The following ARPP21 variants were observed in gnomAD, a reference collection of about 807,000 sequenced individuals.
ARPP21 encodes the protein cAMP-regulated phosphoprotein 21.
A neutral mutation model predicts 113.2 loss-of-function variants in ARPP21; 69 were observed. That is an observed-to-expected ratio of 0.61 (90% CI 0.50 to 0.74). The LOEUF is 0.74. Ranked by LOEUF, ARPP21 falls within the 30% of genes least tolerant of loss-of-function variation. The pLI, the probability that ARPP21 is intolerant of heterozygous loss-of-function variation, is 0.00. For missense variants in ARPP21, 1,070 were observed against 1,037.4 expected, an observed-to-expected ratio of 1.03 and a Z score of -0.43; for synonymous variants, 368 against 375.5, an observed-to-expected ratio of 0.98 and a Z score of 0.23.
chr3:35,772,091 T>C (rs890116498), intron 19 of ARPP21, among the ~76,000 whole-genome samples: 1 of 152,170 alleles, frequency 6.6e-6, no homozygotes, highest in Non-Finnish European at 1.5e-5. Context: ...GCCATTAAAA[T>C]ACTAAATTTG....
At chr3:35,708,763 A>C (rs780839150) in intron 10 of ARPP21, among the ~76,000 whole-genome samples, 34 of 152,334 alleles carry the variant, frequency 2.2e-4, no homozygotes, top group Middle Eastern at 6.8e-3. Context: ...ACCAACCAGC[A>C]GCAGTAAACA....
chr3:35,719,805 A>G (rs1199991062), intron 13 of ARPP21, among the ~76,000 whole-genome samples: 1 of 152,224 alleles, frequency 6.6e-6, no homozygotes, highest in Non-Finnish European at 1.5e-5. Flanking sequence ...TTAGCTGCAA[A>G]TGAGATTATT....
At chr3:35,641,866 A>C (rs985339126) in intron 1 of ARPP21, among the ~76,000 whole-genome samples, 2 of 152,200 alleles carry the variant, frequency 1.3e-5, no homozygotes, top group Admixed American at 1.3e-4. Context: ...TGATTACTAC[A>C]CTTGCTTATC....
intron 19 of ARPP21, 77 bp downstream of exon 19, chr3:35,744,042 G>T: frequency 6.7e-7 from 1 of 1,497,300 alleles, no homozygotes; most frequent in Non-Finnish European, 9.3e-7. Flanking sequence ...TTGGATGAGT[G>T]TCCAAGCTTG....
At chr3:35,662,788 C>T (rs1022269676) in intron 1 of ARPP21, among the ~76,000 whole-genome samples, 1 of 152,046 alleles carries the variant, frequency 6.6e-6, no homozygotes, top group African/African-American at 2.4e-5. Flanking sequence ...ATTGTGCCCA[C>T]CAAGTGAAAT....
chr3:35,751,424 T>C (rs2095400541), intron 19 of ARPP21, among the ~76,000 whole-genome samples: 1 of 152,114 alleles, frequency 6.6e-6, no homozygotes, highest in Non-Finnish European at 1.5e-5. Context: ...GCAGCTTTTA[T>C]GGGGCTTTCT....
intron 4 of ARPP21, 134 bp from the exon 5 acceptor site, chr3:35,683,592 C>A: frequency 1.5e-6 from 1 of 649,892 alleles, no homozygotes; most frequent in Non-Finnish European, 2.8e-6. Context: ...TACTGATTGG[C>A]AGACTTGAAG....
intron 1 of ARPP21, among the ~76,000 whole-genome samples, chr3:35,670,211 T>A (rs546957718): frequency 9.2e-5 from 14 of 152,264 alleles, no homozygotes; most frequent in African/African-American, 3.4e-4. Flanking sequence ...CCATTTTCTT[T>A]GACTCTGGCT....
chr3:35,721,638 G>A lies in ARPP21; in HGVS notation c.1029G>A (p.Gly343=). Reference sequence around the variant, plus strand: ...GAGATGGCTCAGGGAGAACATCTGGGAGTCGACAGAGCAGCTCAGAAAATG... The same window carrying A: ...GAGATGGCTCAGGGAGAACATCTGGAAGTCGACAGAGCAGCTCAGAAAATG... The part of the protein sequence containing the change: ...GNRDGSGRTS[G]SRQSSSENEL... The change falls in exon 14 of 21, where the codon GGG becomes GGA. Residue 343 remains glycine (G), a synonymous_variant. Transcript: ENST00000684406. 1 of 1,613,576 alleles carries A rather than the reference G, an allele frequency of 6.2e-7. No homozygotes were observed. Among genetic ancestry groups the A allele is most frequent in the East Asian group, 2.2e-5 (1 of 44,856 alleles).
chr3:35,779,117 C>G (rs2096461648), intron 19 of ARPP21, among the ~76,000 whole-genome samples: 1 of 152,150 alleles, frequency 6.6e-6, no homozygotes, highest in African/African-American at 2.4e-5. Context: ...ATGGCTTACT[C>G]TGTGTTATCT....
In ARPP21 at chr3:35,667,946, GAAAA is replaced by G. The variant is rs1559548745; in HGVS notation, c.-212-11840_-212-11837del. Among the ~76,000 whole-genome samples the G allele has an allele frequency of 5.4e-4, 62 of 115,120 alleles. 2 individuals are homozygous for G. The highest frequency in any genetic ancestry group is 4.7e-3 in the Middle Eastern group (1 of 214). The allele number at this position is 115,120 out of a possible 152,430, so 75.5% of individuals were successfully genotyped here. A position where few individuals can be genotyped will look rare whatever the true frequency, so the allele number is the denominator to read the frequency against. ...AGGAGGAGGAGGAGAAGGAGAAGAA[GAAAA>G]GAAGAAGAAGAAGAAGAAGAAGAAG... On this transcript the variant is annotated intron_variant, in intron 1 of 20. Transcript: ENST00000684406.
At chr3:35,754,624 A>G (rs1356597356) in intron 19 of ARPP21, among the ~76,000 whole-genome samples, 10 of 152,048 alleles carry the variant, frequency 6.6e-5, no homozygotes. Context: ...TAACATTATT[A>G]AGAGAAATAA....
chr3:35,750,712 G>A (rs2095371365), intron 19 of ARPP21, among the ~76,000 whole-genome samples: 1 of 152,124 alleles, frequency 6.6e-6, no homozygotes, highest in African/African-American at 2.4e-5. Context: ...TGAATTTCAA[G>A]GCAAAAGTTG....
chr3:35,713,311 G>GA (rs1422468140), intron 11 of ARPP21, among the ~76,000 whole-genome samples: 3 of 152,008 alleles, frequency 2.0e-5, no homozygotes, highest in Non-Finnish European at 4.4e-5. Flanking sequence ...TCTTATTTAT[G>GA]AAAATGTAGT....
intron 6 of ARPP21, 77 bp downstream of exon 6, chr3:35,687,960 T>C: frequency 7.3e-7 from 1 of 1,368,770 alleles, no homozygotes; most frequent in Non-Finnish European, 1.0e-6. Context: ...AGATTTCACA[T>C]GCATATTCAC....
chr3:35,763,520 A>G (rs2095852270), intron 19 of ARPP21, among the ~76,000 whole-genome samples: 1 of 152,162 alleles, frequency 6.6e-6, no homozygotes, highest in Non-Finnish European at 1.5e-5. Context: ...GCTTGTCACC[A>G]TGCAGTTACA....
chr3:35,793,457 A>G (rs2096787039), intron 20 of ARPP21, among the ~76,000 whole-genome samples: 1 of 152,216 alleles, frequency 6.6e-6, no homozygotes, highest in Non-Finnish European at 1.5e-5. Flanking sequence ...CAGGCACTGT[A>G]CACCATCCCT....
intron 6 of ARPP21, 29 bp downstream of exon 6, chr3:35,687,912 C>A: frequency 6.4e-7 from 1 of 1,566,580 alleles, no homozygotes; most frequent in Non-Finnish European, 8.6e-7. Flanking sequence ...CCTTAACTTA[C>A]TCAATTTGGG....
intron 1 of ARPP21, among the ~76,000 whole-genome samples, chr3:35,644,419 T>C (rs540845276): frequency 1.3e-5 from 2 of 152,118 alleles, no homozygotes; most frequent in Non-Finnish European, 2.9e-5. Flanking sequence ...ATACATAATA[T>C]GTTTCATTAA....
Sources: allele counts gnomAD v4.1 joint callset (sites outside exome capture counted in the v4.1 genomes callset), GRCh38; gene constraint gnomAD v4.1.1; transcripts MANE v1.5; gene names NCBI Gene and HGNC (gene_info 2026-07-23, HGNC 2026-07-21).